SMAD2: variants seen among roughly 807,000 people sequenced by gnomAD.
SMAD2 encodes the protein SMAD family member 2.
Under a neutral mutation model 64.4 loss-of-function variants are expected in SMAD2, and 8 were observed. The observed-to-expected ratio is 0.12, with a 90% CI of 0.07 to 0.22. The LOEUF (loss-of-function observed/expected upper bound fraction) is 0.22, where lower values mean the gene tolerates loss of function less well. Among genes scored for constraint, SMAD2 ranks in the 10% least tolerant of loss-of-function variants. The probability of loss-of-function intolerance (pLI) is 1.00; values close to 1 mark genes in which losing one functional copy is unlikely to be tolerated. For missense variants in SMAD2, 289 were observed against 561.2 expected (o/e 0.51, Z 4.90); for synonymous variants, 203 against 195.8 (o/e 1.04, Z -0.31).
chr18:47,898,979 C>G (rs2033564365), intron 1 of SMAD2, among the ~76,000 whole-genome samples: 1 of 151,744 alleles, frequency 6.6e-6, no homozygotes, highest in Non-Finnish European at 1.5e-5. Flanking sequence ...CACTGTTGAG[C>G]TGGGACGGGT....
At chr18:47,903,158 A>G (rs569564166) in intron 1 of SMAD2, among the ~76,000 whole-genome samples, 3 of 152,218 alleles carry the variant, frequency 2.0e-5, no homozygotes, top group African/African-American at 7.2e-5. Context: ...ATCCCAAGAG[A>G]GTCTAGACAT....
intron 2 of SMAD2, among the ~76,000 whole-genome samples, chr18:47,872,131 T>C (rs1180378390): frequency 1.3e-5 from 2 of 152,200 alleles, no homozygotes; most frequent in Admixed American, 1.3e-4. Context: ...CAGACAGATC[T>C]AGACCCCAAC....
At chr18:47,861,638 T>C (rs1004964774) in intron 6 of SMAD2, among the ~76,000 whole-genome samples, 1 of 152,212 alleles carries the variant, frequency 6.6e-6, no homozygotes, top group Non-Finnish European at 1.5e-5. Flanking sequence ...ATAAGACTAT[T>C]ATCCTGAAGT....
intron 2 of SMAD2, among the ~76,000 whole-genome samples, chr18:47,885,102 T>C (rs961423242): frequency 2.0e-5 from 3 of 150,790 alleles, no homozygotes; most frequent in African/African-American, 4.9e-5. Context: ...TTTAATAACA[T>C]AGCTTATCGA....
At position 47,815,887 on chromosome 18, in the gene SMAD2, G is replaced by A. The variant is rs900847967; in HGVS notation, c.*25940C>T. The A allele has an allele frequency of 2.8e-4, 42 of 152,324 alleles. No homozygotes were observed. The highest frequency in any genetic ancestry group is 9.9e-4 in the African/African-American group (41 of 41,568). 9.4% of individuals were successfully genotyped at this position (152,324 alleles called of 1,614,324 possible). On this transcript the variant is annotated 3_prime_UTR_variant, in exon 11 of 11. Coordinates refer to ENST00000262160, the MANE Select transcript of SMAD2 (RefSeq NM_005901.6). ...GCCAGAGTTTAAGTTTTCAGAGGAG[G>A]AATAATTGACCTATGTATGAGTTCT... is the stretch of plus-strand genomic sequence containing the variant.
At chr18:47,850,280 A>T (rs1282152263) in intron 7 of SMAD2, among the ~76,000 whole-genome samples, 1 of 60,942 alleles carries the variant, frequency 1.6e-5, no homozygotes, top group Admixed American at 3.5e-4. Flanking sequence ...ATTATATATT[A>T]TATATATTAT....
At chr18:47,901,781 T>C (rs779157439) in intron 1 of SMAD2, among the ~76,000 whole-genome samples, 29 of 152,172 alleles carry the variant, frequency 1.9e-4, no homozygotes, top group Non-Finnish European at 2.8e-4. Flanking sequence ...TTTCAAAAGC[T>C]AGCAGATCGT....
intron 1 of SMAD2, among the ~76,000 whole-genome samples, chr18:47,919,387 A>G (rs1421397150): frequency 1.3e-5 from 2 of 151,522 alleles, no homozygotes; most frequent in Non-Finnish European, 2.9e-5. Context: ...CGAACCCAGG[A>G]GTGCAAGGCT....
intron 10 of SMAD2, among the ~76,000 whole-genome samples, chr18:47,843,941 G>C (rs1256165756): frequency 6.7e-6 from 1 of 148,428 alleles, no homozygotes; most frequent in Non-Finnish European, 1.5e-5. Context: ...ACCATATTTT[G>C]CATTATTCTA....
chr18:47,865,822 A>G (rs982888134), intron 5 of SMAD2, among the ~76,000 whole-genome samples: 2 of 152,214 alleles, frequency 1.3e-5, no homozygotes, highest in Non-Finnish European at 2.9e-5. Context: ...ATGTTGTCTG[A>G]ATAAAACACT....
intron 6 of SMAD2, among the ~76,000 whole-genome samples, chr18:47,855,193 T>C (rs941883904): frequency 6.6e-6 from 1 of 152,184 alleles, no homozygotes; most frequent in African/African-American, 2.4e-5. Context: ...TGTAACGAAA[T>C]GACATTATTA....
Position 47,829,084 on chromosome 18 carries a change from G to A in SMAD2, c.*12743C>T, listed in dbSNP as rs1912889488. On this transcript the variant is annotated 3_prime_UTR_variant, in exon 11 of 11. Transcript: ENST00000262160. The stretch of plus-strand genomic sequence containing the variant: ...TCCAGGCAGCCCCATGAGCTTCCCT[G>A]TGAATGAGAACAGAAAAAGTTCAGG... The A allele has an allele frequency of 6.6e-6, 1 of 152,034 alleles. No individual in the cohort carries two copies. The highest frequency in any genetic ancestry group is 2.1e-4 in the South Asian group (1 of 4,810). The allele number at this position is 152,034 out of a possible 1,614,324, so 9.4% of individuals were successfully genotyped here.
intron 1 of SMAD2, among the ~76,000 whole-genome samples, chr18:47,897,109 G>A (rs1359619675): frequency 1.3e-5 from 2 of 152,114 alleles, no homozygotes; most frequent in African/African-American, 4.8e-5. Flanking sequence ...ACTCTTAGTA[G>A]TGTCAATTAA....
chr18:47,892,874 G>A (rs894067944), intron 2 of SMAD2, among the ~76,000 whole-genome samples: 1 of 152,048 alleles, frequency 6.6e-6, no homozygotes, highest in African/African-American at 2.4e-5. Context: ...AATAAATTTT[G>A]CATTCCTATA....
rs1456690184 is a variant in SMAD2, at chr18:47,824,747, TAAA to T, written c.*17077_*17079del. 1 of 152,138 alleles carries T rather than the reference TAAA, an allele frequency of 6.6e-6. No individual in the cohort carries two copies. Among genetic ancestry groups the T allele is most frequent in the African/African-American group, 2.4e-5 (1 of 41,432 alleles). 9.4% of individuals were successfully genotyped at this position (152,138 alleles called of 1,614,324 possible). A position where few individuals can be genotyped will look rare whatever the true frequency, so the allele number is the denominator to read the frequency against. The stretch of plus-strand genomic sequence containing the variant: ...ATAGACAGTATATTTAAAAAAAACA[TAAA>T]AAGTATGTCGAACATTTTTAATTTC... On this transcript the variant is annotated 3_prime_UTR_variant, in exon 11 of 11. Coordinates refer to ENST00000262160, the MANE Select transcript of SMAD2 (RefSeq NM_005901.6).
Position 47,842,317 on chromosome 18 carries a change from G to C in SMAD2, c.1281-367C>G, listed in dbSNP as rs186114304. 1.3e-5 allele frequency among the ~76,000 whole-genome samples: 2 copies of C among 152,090 alleles called. 1 individual carries two copies. Among genetic ancestry groups the C allele is most frequent in the South Asian group, 4.2e-4 (2 of 4,818 alleles). ...AGCACTTTGGGAGGCCGAGGCAGGCGGATCACAAGGTCAAGAGATTGAGAC... is the reference window on the plus strand; with the variant it reads ...AGCACTTTGGGAGGCCGAGGCAGGCCGATCACAAGGTCAAGAGATTGAGAC... On this transcript the variant is annotated intron_variant, in intron 10 of 10. Transcript: ENST00000262160.
At chr18:47,856,642 G>C (rs1196457523) in intron 6 of SMAD2, among the ~76,000 whole-genome samples, 2 of 151,978 alleles carry the variant, frequency 1.3e-5, no homozygotes, top group Non-Finnish European at 2.9e-5. Context: ...CCTAAAACCA[G>C]CCAGACATAT....
At position 47,834,717 on chromosome 18, in the gene SMAD2, C is replaced by T; in HGVS notation, c.*7110G>A. The stretch of plus-strand genomic sequence containing the variant: ...AGTGAGCAGTGTATAAAAGCTCACT[C>T]TTGAAATCTGTTTTCAGACAAATCT... On this transcript the variant is annotated 3_prime_UTR_variant, in exon 11 of 11. Coordinates refer to ENST00000262160, the MANE Select transcript of SMAD2 (RefSeq NM_005901.6). 1 of 221,198 alleles carries T rather than the reference C, an allele frequency of 4.5e-6. No individual in the cohort carries two copies. Among genetic ancestry groups the T allele is most frequent in the East Asian group, 6.6e-5 (1 of 15,182 alleles). The allele number at this position is 221,198 out of a possible 1,614,324, so 13.7% of individuals were successfully genotyped here.
intron 2 of SMAD2, among the ~76,000 whole-genome samples, chr18:47,875,521 G>A (rs952950906): frequency 1.3e-5 from 2 of 152,012 alleles, no homozygotes; most frequent in Non-Finnish European, 2.9e-5. Flanking sequence ...TAACTTCTAG[G>A]TATGGCCAGT....
Sources: gnomAD v4.1 joint callset for allele counts (sites outside exome capture counted in the v4.1 genomes callset) on GRCh38, gnomAD v4.1.1 for gene constraint, MANE v1.5 for transcripts, NCBI Gene and HGNC (gene_info 2026-07-23, HGNC 2026-07-21) for gene names.